ZFPM1: variants seen among roughly 807,000 people sequenced by gnomAD.
ZFPM1 encodes zinc finger protein ZFPM1.
In ZFPM1, 28 loss-of-function variants were observed where a neutral mutation model predicts 46.3. The observed-to-expected ratio is 0.60, with a 90% CI of 0.45 to 0.83. The LOEUF (loss-of-function observed/expected upper bound fraction) is 0.83, where lower values mean the gene tolerates loss of function less well. Among genes scored for constraint, ZFPM1 ranks in the 40% least tolerant of loss-of-function variants. The probability of loss-of-function intolerance (pLI) is 0.00; values close to 1 mark genes in which losing one functional copy is unlikely to be tolerated. For synonymous variants in ZFPM1, 957 were observed against 675.9 expected, an observed-to-expected ratio of 1.42 and a Z score of -6.45; for missense variants, 1,878 against 1,432.4, an observed-to-expected ratio of 1.31 and a Z score of -5.02.
intron 3 of ZFPM1, among the ~76,000 whole-genome samples, chr16:88,501,611 T>A (rs1910330021): frequency 7.9e-6 from 1 of 127,182 alleles, no homozygotes; most frequent in Non-Finnish European, 1.7e-5. Context: ...CAGGTACTGG[T>A]GATGATGGAG....
intron 1 of ZFPM1, among the ~76,000 whole-genome samples, chr16:88,455,229 A>G (rs75680154): frequency 0.04 from 6,145 of 151,902 alleles, 396 homozygotes; most frequent in African/African-American, 0.14. Flanking sequence ...CGCAGGTTGG[A>G]AACCGATCTC....
rs1289157914 is a variant in ZFPM1, at chr16:88,469,801, G to A, written c.40+16123G>A. Among the ~76,000 whole-genome samples the A allele has an allele frequency of 2.0e-5, 3 of 152,084 alleles. No individual in the cohort carries two copies. The stretch of plus-strand genomic sequence containing the variant: ...GCTGAGATCTAAGGAGAGGAAGTAG[G>A]GAGGGGCCGTCCGACCAGAACCAGA... On this transcript the variant is annotated intron_variant, in intron 1 of 9. Transcript: ENST00000319555. The surrounding 1 kb of genome is among the most constrained non-coding windows in gnomAD (Gnocchi z 4.3).
At chr16:88,460,261 C>T (rs999842873) in intron 1 of ZFPM1, among the ~76,000 whole-genome samples, 1 of 152,168 alleles carries the variant, frequency 6.6e-6, no homozygotes, top group Non-Finnish European at 1.5e-5. Context: ...TATCGAGGGT[C>T]CCCAGCCTAC....
chr16:88,451,939 G>C (rs556399506), upstream of ZFPM1, among the ~76,000 whole-genome samples: 74 of 152,342 alleles, frequency 4.9e-4, no homozygotes, highest in African/African-American at 1.7e-3. Flanking sequence ...GGCTCTGAGG[G>C]TAAGCCCCCA....
intron 1 of ZFPM1, among the ~76,000 whole-genome samples, chr16:88,476,988 T>C (rs1908716768): frequency 6.6e-6 from 1 of 152,266 alleles, no homozygotes; most frequent in African/African-American, 2.4e-5. Context: ...AGAGAAGATT[T>C]GGACGTGCGC....
chr16:88,520,176 A>G (rs1911719813), intron 4 of ZFPM1, among the ~76,000 whole-genome samples: 2 of 132,380 alleles, frequency 1.5e-5, no homozygotes, highest in Non-Finnish European at 3.2e-5. Flanking sequence ...GCATGGGTAG[A>G]TGGGTGGGTG....
intron 4 of ZFPM1, among the ~76,000 whole-genome samples, chr16:88,514,940 G>A (rs142670929): frequency 1.5e-3 from 230 of 152,290 alleles, no homozygotes; most frequent in African/African-American, 5.1e-3. Context: ...CGACAGGCAC[G>A]GCCGTCAGGC....
In ZFPM1 at chr16:88,503,210, G is replaced by A. The variant is rs556778540; in HGVS notation, c.269-11177G>A. ...TGGGGGGCCACGGTTCCTGAGTGGA[G>A]GGATCTGTGTCTGGGGAGGGGCCCA... On this transcript the variant is annotated intron_variant, in intron 3 of 9. Transcript: ENST00000319555. Among the ~76,000 whole-genome samples the A allele has an allele frequency of 1.0e-3, 154 of 152,106 alleles. 1 individual carries two copies. The highest frequency in any genetic ancestry group is 3.6e-3 in the African/African-American group (151 of 41,492).
chr16:88,473,957 C>T (rs1425765002), intron 1 of ZFPM1, among the ~76,000 whole-genome samples: 1 of 152,196 alleles, frequency 6.6e-6, no homozygotes, highest in East Asian at 1.9e-4. Context: ...GAAGCAATCT[C>T]ATGTAATCTA....
At chr16:88,488,296 G>C (rs879598278) in intron 2 of ZFPM1, among the ~76,000 whole-genome samples, 1 of 152,144 alleles carries the variant, frequency 6.6e-6, no homozygotes, top group Non-Finnish European at 1.5e-5. Flanking sequence ...GCATGGGGGC[G>C]GGGGTGGGGC....
intron 3 of ZFPM1, among the ~76,000 whole-genome samples, chr16:88,501,559 G>T (rs1167880015): frequency 1.1e-4 from 16 of 143,872 alleles, no homozygotes; most frequent in Non-Finnish European, 2.1e-4. Context: ...GCAGGTGCTG[G>T]TGATGATGGA....
At chr16:88,507,302 C>T (rs369037795) in intron 3 of ZFPM1, among the ~76,000 whole-genome samples, 1 of 152,202 alleles carries the variant, frequency 6.6e-6, no homozygotes, top group Non-Finnish European at 1.5e-5. Context: ...CTCACCCCCT[C>T]AGCACCATGT....
rs372294445 is a variant in ZFPM1, at chr16:88,528,423, TC to T, written c.712+189del. On this transcript the variant is annotated intron_variant, in intron 6 of 9. Coordinates refer to ENST00000319555, the MANE Select transcript of ZFPM1 (RefSeq NM_153813.3). ...TGCAGAACACATAGGGACAGGAGGG[TC>T]CCCAGAGCCCAGGGCCACCACAGGG... 1.4e-3 allele frequency among the ~76,000 whole-genome samples: 218 copies of T among 151,696 alleles called. 2 individuals are homozygous for T. The highest frequency in any genetic ancestry group is 5.2e-3 in the African/African-American group (213 of 41,314).
At position 88,533,764 on chromosome 16, in the gene ZFPM1, C is replaced by T. The variant is rs775446045; in HGVS notation, c.1806C>T (p.Gly602=). 3.5e-6 allele frequency: 5 copies of T among 1,432,834 alleles called. No homozygotes were observed. Among genetic ancestry groups the T allele is most frequent in the African/African-American group, 1.5e-5 (1 of 65,232 alleles). The allele number at this position is 1,432,834 out of a possible 1,614,324, so 88.8% of individuals were successfully genotyped here. A position where few individuals can be genotyped will look rare whatever the true frequency, so the allele number is the denominator to read the frequency against. Reference sequence around the variant, plus strand: ...TGCACAAGCGCCTCTACTGTTCAGGCCGCCGTGCGCCCGAGGACGCGCCTG... The same window carrying T: ...TGCACAAGCGCCTCTACTGTTCAGGTCGCCGTGCGCCCGAGGACGCGCCTG... ...YYVHKRLYCS[G]RRAPEDAPAA... The change falls in exon 10 of 10, where the codon GGC becomes GGT. Residue 602 remains glycine (G), a synonymous_variant. Transcript: ENST00000319555.
At chr16:88,513,892 A>G (rs962638332) in intron 3 of ZFPM1, among the ~76,000 whole-genome samples, 4 of 152,172 alleles carry the variant, frequency 2.6e-5, no homozygotes, top group African/African-American at 9.7e-5. Context: ...TGTGTCTCTT[A>G]GAAAGATACT....
chr16:88,524,458 A>G (rs962245991), intron 4 of ZFPM1, among the ~76,000 whole-genome samples: 1 of 152,016 alleles, frequency 6.6e-6, no homozygotes, highest in Non-Finnish European at 1.5e-5. Context: ...GTGTCCTTTA[A>G]AAGGGGGGCA....
At chr16:88,486,146 A>C (rs1381869370) in intron 2 of ZFPM1, 103 bp downstream of exon 2, 3 of 1,214,906 alleles carry the variant, frequency 2.5e-6, no homozygotes, top group South Asian at 1.4e-5. Context: ...GTGTGGGCCA[A>C]CTATATGCAG....
chr16:88,475,064 G>A (rs1020802702), intron 1 of ZFPM1, among the ~76,000 whole-genome samples: 1 of 152,390 alleles, frequency 6.6e-6, no homozygotes, highest in African/African-American at 2.4e-5. Flanking sequence ...CTACAGGCCT[G>A]TGCTTGATCC....
chr16:88,500,313 C>T (rs1378887999), intron 3 of ZFPM1, among the ~76,000 whole-genome samples: 2 of 152,266 alleles, frequency 1.3e-5, no homozygotes, highest in African/African-American at 2.4e-5. Context: ...CAGCTCCCCC[C>T]ATGAGCTGGT....
Sources: allele counts gnomAD v4.1 joint callset (sites outside exome capture counted in the v4.1 genomes callset), GRCh38; gene constraint gnomAD v4.1.1; non-coding constraint Gnocchi (gnomAD v3.1); transcripts MANE v1.5; gene names NCBI Gene and HGNC (gene_info 2026-07-23, HGNC 2026-07-21).